Variants in SLC12A7 observed in about 807,000 individuals in gnomAD.
The protein encoded by SLC12A7 is solute carrier family 12 member 7, also known as K-Cl cotransporter 4.
Under a neutral mutation model 120.6 loss-of-function variants are expected in SLC12A7, and 100 were observed. The ratio of observed to expected loss-of-function variants is 0.83; its 90% confidence interval spans 0.71 to 0.98. SLC12A7 has a LOEUF of 0.98. Ranked by LOEUF, SLC12A7 falls within the 50% of genes least tolerant of loss-of-function variation. The pLI, the probability that SLC12A7 is intolerant of heterozygous loss-of-function variation, is 0.00. For missense variants in SLC12A7, 1,373 were observed against 1,548.1 expected, an observed-to-expected ratio of 0.89 and a Z score of 1.90; for synonymous variants, 760 against 678.0, an observed-to-expected ratio of 1.12 and a Z score of -1.88.
chr5:1,052,224 A>C lies in SLC12A7; in HGVS notation c.*136T>G, dbSNP rs1735111318. The stretch of plus-strand genomic sequence containing the variant: ...TGACGGGCCTAGAAACTTCCGTAGG[A>C]AGCCCCATGGGCAGCTTGGGCGGCA... On this transcript the variant is annotated 3_prime_UTR_variant, in exon 24 of 24. Transcript: ENST00000264930. 4.0e-6 allele frequency: 3 copies of C among 744,618 alleles called. No individual in the cohort carries two copies. The highest frequency in any genetic ancestry group is 2.4e-6 in the Non-Finnish European group (1 of 424,542). 46.1% of individuals were successfully genotyped at this position (744,618 alleles called of 1,614,324 possible).
intron 1 of SLC12A7, among the ~76,000 whole-genome samples, chr5:1,094,465 C>T (rs1251308661): frequency 1.3e-5 from 2 of 152,190 alleles, no homozygotes; most frequent in African/African-American, 2.4e-5. Flanking sequence ...TCCCAGGACA[C>T]ATGCTAGCCC....
intron 11 of SLC12A7, among the ~76,000 whole-genome samples, chr5:1,078,327 C>T (rs1012674700): frequency 3.9e-5 from 6 of 152,118 alleles, no homozygotes; most frequent in Admixed American, 6.5e-5. Flanking sequence ...CTGCCAGACA[C>T]GCACACCCCA....
chr5:1,119,781 T>C, the SLC12A7 span, among the ~76,000 whole-genome samples: 1 of 152,334 alleles, frequency 6.6e-6, no homozygotes, highest in South Asian at 2.1e-4. Context: ...TTCCAGGCAA[T>C]GGACAAATGG....
Position 1,111,933 on chromosome 5 carries a change from TCGTCCCCGCCGCCGTCGG to T in SLC12A7, c.41_58del (p.Ala14_Asp19del), listed in dbSNP as rs1486178434. ...CGGAGCCTCCGTCCGCTCGGCAGTC[TCGTCCCCGCCGCCGTCGG>T]CGTGAGCCTCCACGGGCACCACGGT... On this transcript the variant is annotated inframe_deletion, in exon 1 of 24. Coordinates refer to ENST00000264930, the MANE Select transcript of SLC12A7 (RefSeq NM_006598.3). The T allele has an allele frequency of 1.6e-6, 2 of 1,286,350 alleles. No individual in the cohort carries two copies. Among genetic ancestry groups the T allele is most frequent in the East Asian group, 6.3e-5 (2 of 31,958 alleles). The allele number at this position is 1,286,350 out of a possible 1,614,324, so 79.7% of individuals were successfully genotyped here. A position where few individuals can be genotyped will look rare whatever the true frequency, so the allele number is the denominator to read the frequency against.
rs548236574 is a variant in SLC12A7, at chr5:1,066,826, G to A, written c.2242-1348C>T. Among the ~76,000 whole-genome samples, 4 of 152,182 alleles carry A rather than the reference G, an allele frequency of 2.6e-5. No homozygotes were observed. The South Asian group carries it at 8.3e-4, about 31-fold the overall frequency. On this transcript the variant is annotated intron_variant, in intron 17 of 23. Coordinates refer to ENST00000264930, the MANE Select transcript of SLC12A7 (RefSeq NM_006598.3). ...ATCCTCCCGGGAGACTCTGGAGGCA[G>A]CGTGGCCTGCGGTCTCCTTCATCTC...
At chr5:1,104,448 A>G (rs1330936206) in intron 1 of SLC12A7, among the ~76,000 whole-genome samples, 1 of 152,246 alleles carries the variant, frequency 6.6e-6, no homozygotes, top group African/African-American at 2.4e-5. Context: ...GGACAGCTCC[A>G]GGCCATGGCA....
At chr5:1,125,296 A>T in the SLC12A7 span, among the ~76,000 whole-genome samples, 1 of 130,286 alleles carries the variant, frequency 7.7e-6, no homozygotes, top group African/African-American at 3.0e-5. Context: ...TGTGTGTGTG[A>T]ATTCTTTTTA....
chr5:1,055,161 CTGA>C (rs1579305745), intron 22 of SLC12A7, among the ~76,000 whole-genome samples: 2 of 152,066 alleles, frequency 1.3e-5, no homozygotes, highest in Non-Finnish European at 2.9e-5. Flanking sequence ...TGCAGACACA[CTGA>C]TGTGTACACA....
rs201222224 is a variant in SLC12A7 at position 1,075,499 on chromosome 5, G to A, written c.1848-9C>T. 31 of 1,607,658 alleles carry A rather than the reference G, an allele frequency of 1.9e-5. No homozygotes were observed. The highest frequency in any genetic ancestry group is 6.7e-5 in the Admixed American group (4 of 59,788). ...CCAGAAAGGACAGGGTCCTGGGGGC[G>A]GGGCAAGTGGCTCGGGGCGGCCCAA... is the stretch of plus-strand genomic sequence containing the variant. On this transcript the variant is annotated splice_polypyrimidine_tract_variant and intron_variant, in intron 14 of 23. Transcript: ENST00000264930.
At chr5:1,069,729 C>T (rs556032202) in intron 17 of SLC12A7, among the ~76,000 whole-genome samples, 53 of 152,252 alleles carry the variant, frequency 3.5e-4, no homozygotes, top group African/African-American at 1.2e-3. Context: ...GGTGACGTGA[C>T]GTGACGTGAC....
At chr5:1,053,662 T>C (rs1252922335) in intron 22 of SLC12A7, among the ~76,000 whole-genome samples, 180 bp from the exon 23 acceptor site, 3 of 152,212 alleles carry the variant, frequency 2.0e-5, no homozygotes, top group African/African-American at 4.8e-5. Context: ...CGAAAGGCGC[T>C]GACTGCAGCC....
chr5:1,116,950 G>A (rs1270757497), upstream of SLC12A7, among the ~76,000 whole-genome samples: 2 of 152,208 alleles, frequency 1.3e-5, no homozygotes, highest in Non-Finnish European at 2.9e-5. Flanking sequence ...AGAAATGGAA[G>A]CAGAGCCCAG....
In SLC12A7 at chr5:1,061,631, G is replaced by A. The variant is rs117225193; in HGVS notation, c.2740-1180C>T. 4.4e-3 allele frequency among the ~76,000 whole-genome samples: 665 copies of A among 152,126 alleles called. 7 individuals carry two copies. Among genetic ancestry groups the A allele is most frequent in the Admixed American group, 0.022 (337 of 15,228 alleles). ...CGGCTCATGGGAGTTGGGAGCAGCTGTGCCTGTTAAGCACCAGTATTTAAA... is the reference window on the plus strand; with the variant it reads ...CGGCTCATGGGAGTTGGGAGCAGCTATGCCTGTTAAGCACCAGTATTTAAA... On this transcript the variant is annotated intron_variant, in intron 20 of 23. Coordinates refer to ENST00000264930, the MANE Select transcript of SLC12A7 (RefSeq NM_006598.3).
rs144540448 is a variant in SLC12A7 at position 1,073,639 on chromosome 5, G to C, written c.2235C>G (p.Ala745=). 1 of 1,602,322 alleles carries C rather than the reference G, an allele frequency of 6.2e-7. No homozygotes were observed. Among genetic ancestry groups the C allele is most frequent in the South Asian group, 1.1e-5 (1 of 90,316 alleles). The part of the protein sequence containing the change: ...YLDKHMEAQR[A]EENIRSLMST... ...CAGACCCCGCCCGGCCCACCTCCTCGGCCCGCTGAGCCTCCATGTGCTTGT... is the reference window on the plus strand; with the variant it reads ...CAGACCCCGCCCGGCCCACCTCCTCCGCCCGCTGAGCCTCCATGTGCTTGT... The change falls in exon 17 of 24, where the codon GCC becomes GCG. Residue 745 remains alanine (A), a synonymous_variant. Coordinates refer to ENST00000264930, the MANE Select transcript of SLC12A7 (RefSeq NM_006598.3).
chr5:1,052,032 A>T lies in SLC12A7; in HGVS notation c.*328T>A. ...CTGGGTAAATCCAGCCAAGGAAAAG[A>T]ACTTCCAGAAACCAAGGCAAGGGCT... On this transcript the variant is annotated 3_prime_UTR_variant, in exon 24 of 24. Transcript: ENST00000264930. 2.8e-6 allele frequency: 1 copy of T among 362,510 alleles called. No homozygotes were observed. The highest frequency in any genetic ancestry group is 5.0e-6 in the Non-Finnish European group (1 of 200,666). The allele number at this position is 362,510 out of a possible 1,614,324, so 22.5% of individuals were successfully genotyped here. A position where few individuals can be genotyped will look rare whatever the true frequency, so the allele number is the denominator to read the frequency against.
At chr5:1,101,097 G>A (rs576132817) in intron 1 of SLC12A7, among the ~76,000 whole-genome samples, 6 of 152,082 alleles carry the variant, frequency 3.9e-5, no homozygotes, top group South Asian at 2.1e-4. Context: ...GGCCCGCCTC[G>A]TACCTGGGAA....
At chr5:1,118,484 G>A in the SLC12A7 span, among the ~76,000 whole-genome samples, 1 of 152,246 alleles carries the variant, frequency 6.6e-6, no homozygotes, top group African/African-American at 2.4e-5. Flanking sequence ...AGCAGCGCCA[G>A]GGATTCTCCA....
the SLC12A7 span, among the ~76,000 whole-genome samples, chr5:1,148,182 T>TG: frequency 4.6e-5 from 7 of 151,766 alleles, no homozygotes; most frequent in Non-Finnish European, 7.4e-5. Context: ...TGCTTTTTTT[T>TG]GTTGATACTT....
At chr5:1,060,194 C>A in intron 21 of SLC12A7, 150 bp downstream of exon 21, 1 of 639,018 alleles carries the variant, frequency 1.6e-6, no homozygotes, top group Admixed American at 2.7e-5. Flanking sequence ...GCCACCTCCA[C>A]GCAGGCTGGG....
Sources: gnomAD v4.1 joint callset for allele counts (sites outside exome capture counted in the v4.1 genomes callset) on GRCh38, gnomAD v4.1.1 for gene constraint, MANE v1.5 for transcripts, NCBI Gene and HGNC (gene_info 2026-07-23, HGNC 2026-07-21) for gene names.